Variants in MAP7 observed in about 807,000 individuals in gnomAD.
MAP7 encodes ensconsin.
Under a neutral mutation model 94.8 loss-of-function variants are expected in MAP7, and 52 were observed. That is an observed-to-expected ratio of 0.55 (90% CI 0.44 to 0.69). The LOEUF (loss-of-function observed/expected upper bound fraction) is 0.69. Among genes scored for constraint, MAP7 ranks in the 30% least tolerant of loss-of-function variants. The pLI, the probability that MAP7 is intolerant of heterozygous loss-of-function variation, is 0.00. For synonymous variants in MAP7, 350 were observed against 357.0 expected (o/e 0.98, Z 0.22); for missense variants, 940 against 964.6 (o/e 0.97, Z 0.34).
intron 3 of MAP7, among the ~76,000 whole-genome samples, chr6:136,395,412 T>C (rs1486464112): frequency 7.3e-6 from 1 of 136,986 alleles, no homozygotes; most frequent in African/African-American, 3.0e-5. Context: ...ATTTGGATTT[T>C]TTTTTTTTTT....
At chr6:136,523,181 T>C (rs1826889205) in intron 1 of MAP7, among the ~76,000 whole-genome samples, 1 of 152,214 alleles carries the variant, frequency 6.6e-6, no homozygotes, top group African/African-American at 2.4e-5. Context: ...AATGAAATTG[T>C]CTACACATCC....
intron 1 of MAP7, among the ~76,000 whole-genome samples, chr6:136,448,719 T>C (rs992495932): frequency 2.0e-5 from 3 of 151,994 alleles, no homozygotes; most frequent in Non-Finnish European, 4.4e-5. Context: ...GCAATGCCTA[T>C]GAATTCTTAT....
chr6:136,477,199 A>G (rs906253235), intron 1 of MAP7, among the ~76,000 whole-genome samples: 14 of 152,232 alleles, frequency 9.2e-5, no homozygotes, highest in African/African-American at 3.1e-4. Flanking sequence ...GCCTCCTGAT[A>G]CGATACATGG....
intron 1 of MAP7, among the ~76,000 whole-genome samples, chr6:136,464,558 G>A (rs147810460): frequency 9.8e-5 from 15 of 152,288 alleles, no homozygotes; most frequent in Admixed American, 3.9e-4. Flanking sequence ...TACAGGGTTC[G>A]GTACTATCTG....
rs1674856798 is a variant in MAP7 at position 136,526,275 on chromosome 6, G to GCA, written c.67+24066_67+24067insTG. On this transcript the variant is annotated intron_variant, in intron 1 of 17. Transcript: ENST00000354570. ...GGCTCATGCATGCACGTACACGCGC[G>GCA]CGCACACACACACACACACACACAC... 6.6e-6 allele frequency: 7 copies of GCA among 1,063,590 alleles called. No individual in the cohort carries two copies. In the East Asian group the frequency reaches 2.3e-4, roughly 35 times the overall value. The allele number at this position is 1,063,590 out of a possible 1,614,324, so 65.9% of individuals were successfully genotyped here. A position where few individuals can be genotyped will look rare whatever the true frequency, so the allele number is the denominator to read the frequency against.
At position 136,505,277 on chromosome 6, in the gene MAP7, G is replaced by GTATATATATATATATATATATA. The variant is rs56764706; in HGVS notation, c.67+45043_67+45064dup. Among the ~76,000 whole-genome samples, 16 of 53,830 alleles carry GTATATATATATATATATATATA rather than the reference G, an allele frequency of 3.0e-4. 1 individual carries two copies. Among genetic ancestry groups the GTATATATATATATATATATATA allele is most frequent in the African/African-American group, 9.7e-4 (12 of 12,434 alleles). The allele number at this position is 53,830 out of a possible 152,430, so 35.3% of individuals were successfully genotyped here. A position where few individuals can be genotyped will look rare whatever the true frequency, so the allele number is the denominator to read the frequency against. On this transcript the variant is annotated intron_variant, in intron 1 of 17. Transcript: ENST00000354570. ...TGTGTGTGTGTGTGTGTGTGTGTGT[G>GTATATATATATATATATATATA]TATATATATATATATATATATATAT...
At chr6:136,373,728 A>G (rs1175892486) in intron 7 of MAP7, among the ~76,000 whole-genome samples, 2 of 152,248 alleles carry the variant, frequency 1.3e-5, no homozygotes, top group Non-Finnish European at 2.9e-5. Flanking sequence ...TCTCAACTGT[A>G]GTCTTTGTAG....
At chr6:136,455,933 T>C (rs1462568077) in intron 1 of MAP7, among the ~76,000 whole-genome samples, 2 of 152,200 alleles carry the variant, frequency 1.3e-5, no homozygotes, top group African/African-American at 2.4e-5. Flanking sequence ...AACATATCAA[T>C]GGAGAAGACA....
intron 1 of MAP7, chr6:136,476,062 G>A (rs1241517037): frequency 6.6e-6 from 1 of 152,150 alleles, no homozygotes; most frequent in Non-Finnish European, 1.5e-5. Flanking sequence ...ATAGCATTAA[G>A]CAGAAAGCTC....
intron 1 of MAP7, among the ~76,000 whole-genome samples, chr6:136,479,023 T>C (rs1387437319): frequency 1.1e-5 from 1 of 90,614 alleles, no homozygotes; most frequent in African/African-American, 4.3e-5. Context: ...AAGAAGGAAA[T>C]GAAGAAAGAA....
At chr6:136,507,278 C>T (rs1038723909) in intron 1 of MAP7, among the ~76,000 whole-genome samples, 9 of 151,746 alleles carry the variant, frequency 5.9e-5, no homozygotes, top group African/African-American at 1.9e-4. Flanking sequence ...TGAGTCTTCA[C>T]ATCCCACAGT....
chr6:136,546,497 T>C (rs1231017110), intron 1 of MAP7, among the ~76,000 whole-genome samples: 1 of 152,162 alleles, frequency 6.6e-6, no homozygotes, highest in Non-Finnish European at 1.5e-5. Context: ...GTGCCTGGCT[T>C]ATTTCACTTA....
intron 3 of MAP7, among the ~76,000 whole-genome samples, chr6:136,391,819 C>T (rs920609667): frequency 1.3e-5 from 2 of 152,172 alleles, no homozygotes; most frequent in Non-Finnish European, 2.9e-5. Context: ...TTTGCTCACG[C>T]ACACTCGTGC....
chr6:136,399,049 CTTG>C (rs1161583730), intron 3 of MAP7, among the ~76,000 whole-genome samples: 1 of 152,202 alleles, frequency 6.6e-6, no homozygotes, highest in African/African-American at 2.4e-5. Flanking sequence ...AATATTCAGA[CTTG>C]TTGTCTCAGT....
intron 1 of MAP7, among the ~76,000 whole-genome samples, chr6:136,529,304 G>A (rs927278202): frequency 6.6e-6 from 1 of 151,912 alleles, no homozygotes; most frequent in African/African-American, 2.4e-5. Context: ...ATTTTTAGTA[G>A]AGATGGGGTT....
intron 2 of MAP7, among the ~76,000 whole-genome samples, chr6:136,414,500 C>G (rs1329630124): frequency 6.6e-6 from 1 of 151,776 alleles, no homozygotes; most frequent in Non-Finnish European, 1.5e-5. Context: ...ATTTGTTTTG[C>G]TGAAAGAAAA....
At chr6:136,366,094 A>G (rs959959868) in intron 9 of MAP7, 76 bp from the exon 10 acceptor site, 2 of 1,414,978 alleles carry the variant, frequency 1.4e-6, no homozygotes, top group Admixed American at 2.3e-5. Context: ...ACACGACTCG[A>G]TGGAAGAGAA....
At position 136,466,726 on chromosome 6, in the gene MAP7, G is replaced by T. The variant is rs1432827265; in HGVS notation, c.68-44927C>A. ...CCTGATTCTTGAACGTCCTTATTAAGGTTTTCAAAACACATTTTGAGCCCA... is the reference window on the plus strand; with the variant it reads ...CCTGATTCTTGAACGTCCTTATTAATGTTTTCAAAACACATTTTGAGCCCA... On this transcript the variant is annotated intron_variant, in intron 1 of 17. Transcript: ENST00000354570. The T allele has an allele frequency of 3.9e-5, 59 of 1,530,950 alleles. 1 individual carries two copies. The Admixed American group carries it at 1.2e-3, about 30-fold the overall frequency. 94.8% of individuals were successfully genotyped at this position (1,530,950 alleles called of 1,614,324 possible). A position where few individuals can be genotyped will look rare whatever the true frequency, so the allele number is the denominator to read the frequency against.
chr6:136,432,133 C>T (rs1028146800), intron 1 of MAP7, among the ~76,000 whole-genome samples: 24 of 151,852 alleles, frequency 1.6e-4, no homozygotes, highest in African/African-American at 4.3e-4. Context: ...TCTATGTTCC[C>T]GATAGGTTAG....
Sources: gnomAD v4.1 joint callset for allele counts (sites outside exome capture counted in the v4.1 genomes callset) on GRCh38, gnomAD v4.1.1 for gene constraint, MANE v1.5 for transcripts, NCBI Gene and HGNC (gene_info 2026-07-23, HGNC 2026-07-21) for gene names.